Variants in ABCA13 observed in about 807,000 individuals in gnomAD.
The protein encoded by ABCA13 is ATP-binding cassette sub-family A member 13.
In ABCA13, 476 loss-of-function variants were observed where a neutral mutation model predicts 478.7. The ratio of observed to expected loss-of-function variants is 0.99; its 90% CI spans 0.92 to 1.07. The LOEUF (loss-of-function observed/expected upper bound fraction) is 1.07, where lower values mean the gene tolerates loss of function less well. ABCA13 is among the 50% of genes least tolerant of loss of function. The probability of loss-of-function intolerance (pLI) is 0.00; values close to 1 mark genes in which losing one functional copy is unlikely to be tolerated. For missense variants in ABCA13, 6,060 were observed against 5,910.6 expected (o/e 1.03, Z -0.83); for synonymous variants, 2,252 against 2,158.9 (o/e 1.04, Z -1.20).
intron 55 of ABCA13, among the ~76,000 whole-genome samples, chr7:48,537,747 CA>C (rs1433065591): frequency 6.6e-6 from 1 of 151,930 alleles, no homozygotes; most frequent in East Asian, 2.0e-4. Flanking sequence ...AGCAGGTGAT[CA>C]GGGGTGACTC....
At chr7:48,301,960 G>T (rs1269908258) in intron 23 of ABCA13, among the ~76,000 whole-genome samples, 2 of 152,130 alleles carry the variant, frequency 1.3e-5, no homozygotes, top group South Asian at 4.1e-4. Context: ...TGAAAGCCAC[G>T]TTACCTTATT....
At chr7:48,250,310 A>G (rs1256525172) in intron 15 of ABCA13, among the ~76,000 whole-genome samples, 2 of 152,130 alleles carry the variant, frequency 1.3e-5, no homozygotes, top group Admixed American at 6.5e-5. Flanking sequence ...TGTAGGCATG[A>G]TATATTAAAT....
chr7:48,271,232 T>G (rs773835262), intron 16 of ABCA13, among the ~76,000 whole-genome samples: 2 of 152,194 alleles, frequency 1.3e-5, no homozygotes, highest in African/African-American at 4.8e-5. Context: ...AGTGTCTGAG[T>G]TGCTCTTCTG....
At chr7:48,393,196 A>G (rs1376138987) in intron 38 of ABCA13, among the ~76,000 whole-genome samples, 1 of 152,216 alleles carries the variant, frequency 6.6e-6, no homozygotes, top group African/African-American at 2.4e-5. Flanking sequence ...TGGAGCAATG[A>G]AAGTCATGGA....
intron 35 of ABCA13, among the ~76,000 whole-genome samples, chr7:48,381,575 G>A (rs998652677): frequency 6.6e-6 from 1 of 152,132 alleles, no homozygotes; most frequent in African/African-American, 2.4e-5. Context: ...AGGTCTCCAC[G>A]CTCGAGTCAA....
intron 35 of ABCA13, among the ~76,000 whole-genome samples, chr7:48,385,435 G>C (rs1018703294): frequency 1.3e-5 from 2 of 152,154 alleles, no homozygotes; most frequent in African/African-American, 2.4e-5. Context: ...ATGTTAGTTT[G>C]CTAAGGATAA....
At chr7:48,446,405 A>G (rs1824313712) in intron 42 of ABCA13, among the ~76,000 whole-genome samples, 2 of 150,976 alleles carry the variant, frequency 1.3e-5, no homozygotes, top group Admixed American at 6.6e-5. Flanking sequence ...AAAAAAAAAA[A>G]GAAACCTTAT....
intron 3 of ABCA13, among the ~76,000 whole-genome samples, chr7:48,203,142 G>C (rs906777185): frequency 9.9e-5 from 15 of 152,236 alleles, no homozygotes; most frequent in African/African-American, 3.4e-4. Context: ...ATCCTCCGCA[G>C]CCGCTGGCCC....
At chr7:48,641,827 C>T (rs950431005) in intron 59 of ABCA13, among the ~76,000 whole-genome samples, 9 of 152,218 alleles carry the variant, frequency 5.9e-5, no homozygotes, top group South Asian at 2.1e-4. Context: ...TTTCATGAAA[C>T]GTGGACATAT....
intron 43 of ABCA13, among the ~76,000 whole-genome samples, chr7:48,461,253 G>A (rs1826210224): frequency 6.6e-6 from 1 of 152,132 alleles, no homozygotes; most frequent in African/African-American, 2.4e-5. Context: ...ACAAAGTGCT[G>A]GCTGCCCCTC....
At position 48,528,319 on chromosome 7, in the gene ABCA13, A is replaced by G. The variant is rs775629728; in HGVS notation, c.14328A>G (p.Gly4776=). ...ATGGTGAAGTTTCTCTAACTTCAGGACATGCTATCATCAGGACTCCCATGG... is the reference window on the plus strand; with the variant it reads ...ATGGTGAAGTTTCTCTAACTTCAGGGCATGCTATCATCAGGACTCCCATGG... ...MLNGEVSLTS[G]HAIIRTPMGD... Residue 4776 remains glycine (G), a synonymous_variant, in exon 55 of 62, where the codon GGA becomes GGG. Transcript: ENST00000435803. 19 of 1,568,252 alleles carry G rather than the reference A, an allele frequency of 1.2e-5. No individual in the cohort carries two copies. The highest frequency in any genetic ancestry group is 1.5e-5 in the Non-Finnish European group (17 of 1,155,480).
intron 42 of ABCA13, among the ~76,000 whole-genome samples, chr7:48,432,295 A>G (rs571926451): frequency 2.0e-4 from 30 of 152,272 alleles, no homozygotes; most frequent in Non-Finnish European, 3.2e-4. Flanking sequence ...TGTTAGAATA[A>G]TTAATATTAA....
At chr7:48,292,931 T>A (rs991660231) in intron 20 of ABCA13, among the ~76,000 whole-genome samples, 2 of 152,180 alleles carry the variant, frequency 1.3e-5, no homozygotes, top group Non-Finnish European at 2.9e-5. Flanking sequence ...TCCATAAGTA[T>A]TTTTTGAATG....
At chr7:48,290,099 C>T (rs1043381435) in intron 20 of ABCA13, among the ~76,000 whole-genome samples, 1 of 152,178 alleles carries the variant, frequency 6.6e-6, no homozygotes, top group Admixed American at 6.5e-5. Context: ...CTGATTGAAT[C>T]GATATGACAA....
chr7:48,633,986 G>A (rs924785527), intron 59 of ABCA13, among the ~76,000 whole-genome samples: 27 of 137,192 alleles, frequency 2.0e-4, no homozygotes, highest in Non-Finnish European at 3.7e-4. Flanking sequence ...ATAGATGACA[G>A]AGAGATGTAA....
rs373448676 is a variant in ABCA13 at position 48,298,438 on chromosome 7, C to T, written c.9272C>T (p.Ser3091Leu). 2.5e-5 allele frequency: 41 copies of T among 1,613,418 alleles called. No homozygotes were observed. Among genetic ancestry groups the T allele is most frequent in the Middle Eastern group, 1.6e-4 (1 of 6,084 alleles). Residue 3091 changes from serine to leucine, a missense_variant, in exon 23 of 62, where the codon TCG becomes TTG. Transcript: ENST00000435803. ...GAGCTTCGCTCTTCCATCCAAATCTCGAATGAGACTATCCATAGCATTCTA... is the reference window on the plus strand; with the variant it reads ...GAGCTTCGCTCTTCCATCCAAATCTTGAATGAGACTATCCATAGCATTCTA... ...TEELRSSIQISNETIHSILEA... is the reference protein window; with the variant it reads ...TEELRSSIQILNETIHSILEA...
At chr7:48,386,200 A>G (rs1321392586) in intron 35 of ABCA13, among the ~76,000 whole-genome samples, 1 of 152,218 alleles carries the variant, frequency 6.6e-6, no homozygotes, top group Non-Finnish European at 1.5e-5. Context: ...AGATCTCTAC[A>G]AGGAGAACTA....
chr7:48,561,869 T>C (rs1053022777), intron 55 of ABCA13, among the ~76,000 whole-genome samples: 4 of 152,156 alleles, frequency 2.6e-5, no homozygotes, highest in African/African-American at 9.6e-5. Flanking sequence ...TTGGGTCTTA[T>C]GTTTCAATCT....
intron 40 of ABCA13, among the ~76,000 whole-genome samples, chr7:48,412,069 A>G (rs1585210671): frequency 6.6e-6 from 1 of 151,884 alleles, no homozygotes; most frequent in African/African-American, 2.4e-5. Flanking sequence ...ATGAATACAA[A>G]CCTCTGGAGG....
Sources: gnomAD v4.1 joint callset for allele counts (sites outside exome capture counted in the v4.1 genomes callset) on GRCh38, gnomAD v4.1.1 for gene constraint, MANE v1.5 for transcripts, NCBI Gene and HGNC (gene_info 2026-07-23, HGNC 2026-07-21) for gene names.